IL1RAP: variants seen among roughly 807,000 people sequenced by gnomAD.
IL1RAP encodes the protein interleukin-1 receptor accessory protein.
IL1RAP carries 35 observed loss-of-function variants against 60.7 expected under a neutral mutation model. That is an observed-to-expected ratio of 0.58 (90% CI 0.44 to 0.76). IL1RAP has a LOEUF of 0.76. IL1RAP is among the 30% of genes least tolerant of loss of function. The pLI is 0.00. For missense variants in IL1RAP, 572 were observed against 693.9 expected (o/e 0.82, Z 1.97); for synonymous variants, 268 against 250.9 (o/e 1.07, Z -0.64).
At chr3:190,573,081 T>C (rs1157109244) in intron 3 of IL1RAP, among the ~76,000 whole-genome samples, 4 of 52,430 alleles carry the variant, frequency 7.6e-5, no homozygotes, top group Non-Finnish European at 1.8e-4. Context: ...GCCGGGATGG[T>C]CTCGATCTCC....
At chr3:190,561,760 C>T (rs551545265) in intron 2 of IL1RAP, among the ~76,000 whole-genome samples, 23 of 152,292 alleles carry the variant, frequency 1.5e-4, no homozygotes, top group African/African-American at 4.3e-4. Context: ...TTATTAATTA[C>T]ATTTATTAAT....
chr3:190,656,041 G>A (rs1734609033), downstream of IL1RAP: 1 of 1,537,096 alleles, frequency 6.5e-7, no homozygotes, highest in Non-Finnish European at 8.7e-7. Flanking sequence ...GCTCATTGTG[G>A]TTGAGTACCG....
chr3:190,657,885 C>T (rs1055154125), exon 12 of IL1RAP: 1 of 151,998 alleles, frequency 6.6e-6, no homozygotes, highest in African/African-American at 2.4e-5. Flanking sequence ...TGTGAAACCC[C>T]ATCTCTACAA....
chr3:190,655,617 A>C (rs1217590818), downstream of IL1RAP, among the ~76,000 whole-genome samples: 1 of 147,000 alleles, frequency 6.8e-6, no homozygotes, highest in Non-Finnish European at 1.5e-5. Flanking sequence ...TTTAAGAAAG[A>C]CTTATTGAAG....
chr3:190,620,753 C>G (rs1273930595), intron 6 of IL1RAP, among the ~76,000 whole-genome samples: 2 of 151,978 alleles, frequency 1.3e-5, no homozygotes, highest in Non-Finnish European at 2.9e-5. Context: ...GAACAAGGTC[C>G]CTGTCTTTAT....
chr3:190,514,523 ACCGCCCCCTCCCCGCTACCACCCC>A (rs1434262401), intron 1 of IL1RAP, among the ~76,000 whole-genome samples: 1 of 149,334 alleles, frequency 6.7e-6, no homozygotes, highest in African/African-American at 2.5e-5. Context: ...TTTCCTCCTC[ACCGCCCCCTCCCCGCTACCACCCC>A]CCGCCCCCAT....
intron 5 of IL1RAP, among the ~76,000 whole-genome samples, chr3:190,613,528 G>A (rs182713111): frequency 1.4e-4 from 21 of 152,240 alleles, no homozygotes; most frequent in South Asian, 4.1e-4. Flanking sequence ...TACTATTCAT[G>A]GGTAAATGGA....
chr3:190,558,748 T>C (rs1725642768), intron 2 of IL1RAP, among the ~76,000 whole-genome samples: 1 of 152,200 alleles, frequency 6.6e-6, no homozygotes, highest in Non-Finnish European at 1.5e-5. Context: ...AGAAAAAATC[T>C]TTCTGGGATT....
intron 9 of IL1RAP, chr3:190,643,984 T>C (rs1733834541): frequency 3.9e-6 from 1 of 255,852 alleles, no homozygotes; most frequent in Non-Finnish European, 6.1e-6. Flanking sequence ...CTTCCTGATG[T>C]TATGATTCTG....
chr3:190,645,187 A>T (rs1172477920), intron 10 of IL1RAP, among the ~76,000 whole-genome samples: 2 of 152,218 alleles, frequency 1.3e-5, no homozygotes, highest in Non-Finnish European at 2.9e-5. Flanking sequence ...TATGGAAGAA[A>T]CACGGAATCG....
chr3:190,570,380 C>G (rs1328522729), intron 3 of IL1RAP, among the ~76,000 whole-genome samples: 2 of 152,122 alleles, frequency 1.3e-5, no homozygotes, highest in African/African-American at 4.8e-5. Context: ...AGACCATATT[C>G]TGTTGTGTTT....
intron 5 of IL1RAP, 87 bp from the exon 6 acceptor site, chr3:190,620,188 C>T (rs1731652995): frequency 2.9e-6 from 2 of 679,568 alleles, no homozygotes; most frequent in African/African-American, 1.9e-5. Context: ...GTGTTCTGTG[C>T]AAAATTAGAT....
intron 9 of IL1RAP, among the ~76,000 whole-genome samples, chr3:190,632,807 T>C (rs1732900136): frequency 1.3e-5 from 2 of 152,214 alleles, no homozygotes; most frequent in Non-Finnish European, 2.9e-5. Context: ...GTTTTGTTTT[T>C]CCACATAGAT....
intron 9 of IL1RAP, among the ~76,000 whole-genome samples, chr3:190,640,923 C>T (rs1057450567): frequency 2.0e-5 from 3 of 151,996 alleles, no homozygotes; most frequent in Non-Finnish European, 2.9e-5. Flanking sequence ...CCAGTTTGGT[C>T]GTACTACATC....
intron 1 of IL1RAP, among the ~76,000 whole-genome samples, chr3:190,550,754 A>T (rs1216988532): frequency 6.6e-6 from 1 of 152,246 alleles, no homozygotes; most frequent in Non-Finnish European, 1.5e-5. Flanking sequence ...AACAAGCAGG[A>T]TTAGTCTAAA....
intron 1 of IL1RAP, among the ~76,000 whole-genome samples, chr3:190,553,528 G>A (rs1725056304): frequency 6.6e-6 from 1 of 152,130 alleles, no homozygotes; most frequent in African/African-American, 2.4e-5. Context: ...CTCCAATGGG[G>A]TTGAACCCCT....
chr3:190,554,047 C>A (rs372687744), intron 1 of IL1RAP, among the ~76,000 whole-genome samples: 3 of 106,782 alleles, frequency 2.8e-5, no homozygotes, highest in African/African-American at 7.5e-5. Context: ...GGCGACAGAG[C>A]GAGACTCCGT....
intron 3 of IL1RAP, among the ~76,000 whole-genome samples, chr3:190,569,205 A>G (rs1440777895): frequency 1.3e-5 from 2 of 152,224 alleles, no homozygotes; most frequent in African/African-American, 2.4e-5. Flanking sequence ...TTTTGGTTAT[A>G]GTTGGCTAGG....
At chr3:190,652,179 C>A (rs1446751514), downstream of IL1RAP, among the ~76,000 whole-genome samples, 1 of 151,844 alleles carries the variant, frequency 6.6e-6, no homozygotes, top group East Asian at 1.9e-4. Flanking sequence ...AAAAAAAAAT[C>A]CCTGGCCAGG....
Sources: gnomAD v4.1 joint callset for allele counts (sites outside exome capture counted in the v4.1 genomes callset) on GRCh38, gnomAD v4.1.1 for gene constraint, MANE v1.5 for transcripts, NCBI Gene and HGNC (gene_info 2026-07-23, HGNC 2026-07-21) for gene names.